The following SLC41A2 variants were observed in gnomAD, a reference collection of about 807,000 sequenced individuals.
SLC41A2 encodes the protein solute carrier family 41 member 2.
A neutral mutation model predicts 58.3 loss-of-function variants in SLC41A2; 32 were observed. The observed-to-expected ratio is 0.55, with a 90% CI of 0.41 to 0.74. The LOEUF (loss-of-function observed/expected upper bound fraction) is 0.74. Among genes scored for constraint, SLC41A2 ranks in the 30% least tolerant of loss-of-function variants. SLC41A2 has a pLI of 0.00. For synonymous variants in SLC41A2, 190 were observed against 235.0 expected (o/e 0.81, Z 1.75); for missense variants, 514 against 680.6 (o/e 0.76, Z 2.72).
At chr12:104,872,161 T>G (rs1182187171) in intron 6 of SLC41A2, among the ~76,000 whole-genome samples, 1 of 149,048 alleles carries the variant, frequency 6.7e-6, no homozygotes, top group Admixed American at 6.7e-5. Context: ...TTGGCTGGAG[T>G]AAAAGGTATA....
chr12:104,852,285 C>T (rs949647344), intron 8 of SLC41A2, among the ~76,000 whole-genome samples: 8 of 152,094 alleles, frequency 5.3e-5, no homozygotes, highest in Non-Finnish European at 1.2e-4. Context: ...TTGCATTCCT[C>T]TTCAGTTACT....
At chr12:104,846,637 A>G (rs1325075442) in intron 8 of SLC41A2, among the ~76,000 whole-genome samples, 1 of 152,248 alleles carries the variant, frequency 6.6e-6, no homozygotes, top group African/African-American at 2.4e-5. Flanking sequence ...ACTCCATCCC[A>G]TGCCTTTCAC....
chr12:104,906,765 A>C (rs2045872135), intron 3 of SLC41A2, among the ~76,000 whole-genome samples: 1 of 152,206 alleles, frequency 6.6e-6, no homozygotes, highest in African/African-American at 2.4e-5. Context: ...AACATGCTTA[A>C]AAAGCATGTT....
chr12:104,930,952 T>C (rs1051469854), intron 1 of SLC41A2, among the ~76,000 whole-genome samples: 4 of 152,238 alleles, frequency 2.6e-5, no homozygotes, highest in African/African-American at 9.6e-5. Flanking sequence ...GTATTCTTAC[T>C]TCGGTATAAG....
At position 104,936,434 on chromosome 12, in the gene SLC41A2, T is replaced by C. The variant is rs1264887793; in HGVS notation, c.-167-7740A>G. Among the ~76,000 whole-genome samples the C allele has an allele frequency of 2.0e-5, 3 of 152,266 alleles. No individual in the cohort carries two copies. The East Asian group carries it at 5.8e-4, about 29-fold the overall frequency. ...TATTAGTCCATTTTCATGTTACTGA[T>C]AAAGACATACCCAAGACTGGGCAAT... On this transcript the variant is annotated intron_variant, in intron 1 of 10. Transcript: ENST00000258538.
upstream of SLC41A2, chr12:104,958,669 T>A (rs2048265033): frequency 6.6e-6 from 1 of 152,346 alleles, no homozygotes; most frequent in Admixed American, 6.5e-5. Flanking sequence ...AGCGGCCTCT[T>A]TTTGGCTGAG....
At position 104,948,898 on chromosome 12, in the gene SLC41A2, A is replaced by G. The variant is rs74662130; in HGVS notation, c.-168+9190T>C. Among the ~76,000 whole-genome samples the G allele has an allele frequency of 7.0e-3, 1,071 of 152,332 alleles. 19 individuals carry two copies. The highest frequency in any genetic ancestry group is 0.023 in the African/African-American group (966 of 41,560). ...TGATCCATAGGTGAACTATCTCTGC[A>G]CTATCTTCTGTTACTCAATCAATAA... On this transcript the variant is annotated intron_variant, in intron 1 of 10. Coordinates refer to ENST00000258538, the MANE Select transcript of SLC41A2 (RefSeq NM_001352171.3).
chr12:104,915,638 G>A (rs2046282248), intron 2 of SLC41A2, among the ~76,000 whole-genome samples: 1 of 152,214 alleles, frequency 6.6e-6, no homozygotes, highest in African/African-American at 2.4e-5. Flanking sequence ...AGACTTTGCT[G>A]AAGTTGCTTA....
chr12:104,855,193 GTT>G (rs1298750113), intron 8 of SLC41A2, among the ~76,000 whole-genome samples: 1 of 152,066 alleles, frequency 6.6e-6, no homozygotes, highest in African/African-American at 2.4e-5. Context: ...CTTCTAAGAT[GTT>G]TATTGTTTTA....
intron 7 of SLC41A2, 52 bp downstream of exon 7, chr12:104,866,380 G>A (rs1007344498): frequency 9.4e-6 from 13 of 1,381,692 alleles, no homozygotes; most frequent in South Asian, 6.8e-5. Flanking sequence ...ACAGACAGAC[G>A]TACACACACA....
At chr12:104,948,097 C>T (rs2031003156) in intron 1 of SLC41A2, among the ~76,000 whole-genome samples, 1 of 152,104 alleles carries the variant, frequency 6.6e-6, no homozygotes, top group African/African-American at 2.4e-5. Flanking sequence ...ATCTAAAAGA[C>T]AGGCTAATGT....
At chr12:104,877,292 G>A (rs1471471354) in intron 6 of SLC41A2, among the ~76,000 whole-genome samples, 2 of 152,164 alleles carry the variant, frequency 1.3e-5, no homozygotes, top group Admixed American at 1.3e-4. Context: ...CTGATCTTAG[G>A]AGGCCCCCTA....
At chr12:104,941,424 A>G (rs1018661488) in intron 1 of SLC41A2, among the ~76,000 whole-genome samples, 3 of 152,216 alleles carry the variant, frequency 2.0e-5, no homozygotes, top group African/African-American at 7.2e-5. Context: ...TACATCGCAA[A>G]TAATTTTTCA....
intron 3 of SLC41A2, among the ~76,000 whole-genome samples, chr12:104,903,745 G>A (rs987321194): frequency 4.6e-5 from 7 of 152,110 alleles, no homozygotes; most frequent in Non-Finnish European, 8.8e-5. Context: ...TTATTTCCTT[G>A]ACTGAACTAT....
intron 8 of SLC41A2, among the ~76,000 whole-genome samples, chr12:104,847,044 C>T (rs2042621876): frequency 6.6e-6 from 1 of 151,640 alleles, no homozygotes; most frequent in African/African-American, 2.4e-5. Context: ...CAGAGCCAGA[C>T]CCAGAGATGA....
rs115301660 is a variant in SLC41A2, at chr12:104,825,913, C to T, written c.1536+18559G>A. 3.9e-3 allele frequency among the ~76,000 whole-genome samples: 591 copies of T among 152,238 alleles called. 6 individuals are homozygous for T. Among genetic ancestry groups the T allele is most frequent in the African/African-American group, 0.013 (556 of 41,532 alleles). The stretch of plus-strand genomic sequence containing the variant: ...GGAGAATGGGAGGCATAGGTGACAG[C>T]GTTTAATTCCTATTCTCCAGGTTTT... On this transcript the variant is annotated intron_variant, in intron 10 of 10. Coordinates refer to ENST00000258538, the MANE Select transcript of SLC41A2 (RefSeq NM_001352171.3).
At chr12:104,947,419 T>C (rs1299633094) in intron 1 of SLC41A2, among the ~76,000 whole-genome samples, 1 of 151,844 alleles carries the variant, frequency 6.6e-6, no homozygotes, top group African/African-American at 2.4e-5. Flanking sequence ...GCCAGGCTGG[T>C]CTGGATCTCC....
chr12:104,943,296 G>A (rs759971170), intron 1 of SLC41A2, among the ~76,000 whole-genome samples: 2 of 151,536 alleles, frequency 1.3e-5, no homozygotes, highest in South Asian at 2.1e-4. Flanking sequence ...AAAGAAATTC[G>A]AGATCAAATA....
intron 1 of SLC41A2, among the ~76,000 whole-genome samples, chr12:104,945,198 T>TAAGAA (rs772490994): frequency 2.1e-4 from 30 of 146,044 alleles, no homozygotes; most frequent in Middle Eastern, 3.7e-3. Context: ...AAATAAAAAG[T>TAAGAA]AAGAAAAGAA....
Sources: gnomAD v4.1 joint callset for allele counts (sites outside exome capture counted in the v4.1 genomes callset) on GRCh38, gnomAD v4.1.1 for gene constraint, MANE v1.5 for transcripts, NCBI Gene and HGNC (gene_info 2026-07-23, HGNC 2026-07-21) for gene names.